Variants in SRGAP3 observed in about 807,000 individuals in gnomAD.
SRGAP3 encodes the protein SLIT-ROBO Rho GTPase-activating protein 3.
SRGAP3 carries 39 observed loss-of-function variants against 121.1 expected under a neutral mutation model. The observed-to-expected ratio is 0.32, with a 90% CI of 0.25 to 0.42. SRGAP3 has a LOEUF of 0.42. Among genes scored for constraint, SRGAP3 ranks in the 10% least tolerant of loss-of-function variants. The pLI, the probability that SRGAP3 is intolerant of heterozygous loss-of-function variation, is 1.00. For synonymous variants in SRGAP3, 601 were observed against 570.0 expected (o/e 1.05, Z -0.77); for missense variants, 1,213 against 1,470.6 (o/e 0.82, Z 2.86).
intron 16 of SRGAP3, 47 bp from the exon 17 acceptor site, chr3:9,013,582 T>C: frequency 6.3e-7 from 1 of 1,599,942 alleles, no homozygotes; most frequent in Non-Finnish European, 8.6e-7. Flanking sequence ...AGGCAAGTCC[T>C]CCCCCTGTGT....
At chr3:9,183,881 C>G (rs1214001708) in intron 1 of SRGAP3, among the ~76,000 whole-genome samples, 2 of 151,938 alleles carry the variant, frequency 1.3e-5, no homozygotes, top group Admixed American at 6.6e-5. Context: ...AGCTGTACCC[C>G]GAGATGAAAC....
At chr3:9,053,305 C>T in intron 8 of SRGAP3, 81 bp from the exon 9 acceptor site, 3 of 1,373,534 alleles carry the variant, frequency 2.2e-6, no homozygotes, top group East Asian at 2.4e-5. Flanking sequence ...CCAGCTGTCA[C>T]TTTACTTCTT....
At chr3:9,189,469 A>T (rs1421576359) in intron 1 of SRGAP3, among the ~76,000 whole-genome samples, 4 of 151,978 alleles carry the variant, frequency 2.6e-5, no homozygotes, top group Non-Finnish European at 4.4e-5. Flanking sequence ...TGAAAATTGG[A>T]CTCCTCCAAT....
Position 9,309,834 on chromosome 3 carries a change from G to C in SRGAP3, n.442+16176C>G, listed in dbSNP as rs148548880. ...TGATCACCACTGCACTCCAGCCTGG[G>C]TGACAGAGTGAGACCCTGTCTCAAA... On this transcript the variant is annotated intron_variant and non_coding_transcript_variant, in intron 3 of 3. Coordinates refer to the SRGAP3 transcript ENST00000490889. Among the ~76,000 whole-genome samples the C allele has an allele frequency of 8.8e-4, 134 of 152,264 alleles. 2 individuals carry two copies. Among genetic ancestry groups the C allele is most frequent in the Non-Finnish European group, 9.9e-4 (67 of 68,020 alleles).
chr3:9,126,425 G>T (rs1369076972), intron 1 of SRGAP3, among the ~76,000 whole-genome samples: 1 of 152,054 alleles, frequency 6.6e-6, no homozygotes, highest in Non-Finnish European at 1.5e-5. Flanking sequence ...AGGTCAGGAG[G>T]TGGAGACCAT....
intron 2 of SRGAP3, among the ~76,000 whole-genome samples, chr3:9,105,644 C>T (rs905293762): frequency 6.6e-6 from 1 of 152,272 alleles, no homozygotes. Context: ...TGGGCTTTAC[C>T]AAGCCCTCCA....
At chr3:9,274,846 C>A (rs1323688208) in intron 3 of SRGAP3, among the ~76,000 whole-genome samples, 1 of 152,196 alleles carries the variant, frequency 6.6e-6, no homozygotes, top group African/African-American at 2.4e-5. Context: ...TGAAGTCAAG[C>A]CACTTCTCTC....
chr3:9,339,480 C>T (rs2125289359), intron 1 of SRGAP3, among the ~76,000 whole-genome samples: 1 of 152,296 alleles, frequency 6.6e-6, no homozygotes, highest in African/African-American at 2.4e-5. Flanking sequence ...AGGACACAAA[C>T]TCAAGTGCCT....
intron 3 of SRGAP3, among the ~76,000 whole-genome samples, chr3:9,312,855 G>A (rs1296956762): frequency 6.6e-6 from 1 of 152,086 alleles, no homozygotes; most frequent in African/African-American, 2.4e-5. Flanking sequence ...AGCCAGGTGT[G>A]GTGGTGCCCA....
chr3:9,039,321 A>C (rs1276401021), intron 10 of SRGAP3, among the ~76,000 whole-genome samples: 2 of 152,122 alleles, frequency 1.3e-5, no homozygotes, highest in African/African-American at 4.8e-5. Flanking sequence ...AAAATGTTGG[A>C]GTGCCATCAG....
At chr3:9,160,501 G>A (rs1253660782) in intron 1 of SRGAP3, among the ~76,000 whole-genome samples, 1 of 152,098 alleles carries the variant, frequency 6.6e-6, no homozygotes, top group African/African-American at 2.4e-5. Context: ...CCATGTAGTC[G>A]GCCACTGTGG....
chr3:9,311,169 C>CAA (rs568030531), intron 3 of SRGAP3, among the ~76,000 whole-genome samples: 113 of 110,072 alleles, frequency 1.0e-3, no homozygotes, highest in African/African-American at 3.3e-3. Context: ...GACTCCAGCT[C>CAA]AAAAAAAAAA....
At chr3:9,047,149 AT>A (rs1032968971) in intron 10 of SRGAP3, among the ~76,000 whole-genome samples, 59 of 151,416 alleles carry the variant, frequency 3.9e-4, no homozygotes, top group African/African-American at 1.4e-3. Flanking sequence ...TCTTTATTTT[AT>A]TTTTTTTCTT....
chr3:8,994,872 T>C (rs926805617), intron 18 of SRGAP3, among the ~76,000 whole-genome samples: 78 of 152,356 alleles, frequency 5.1e-4, no homozygotes, highest in African/African-American at 1.9e-3. Flanking sequence ...TATTAATATT[T>C]CTATTTTTCT....
chr3:9,102,777 A>C (rs1948269566), intron 3 of SRGAP3, among the ~76,000 whole-genome samples: 1 of 152,200 alleles, frequency 6.6e-6, no homozygotes, highest in Non-Finnish European at 1.5e-5. Context: ...ATCACAAGTC[A>C]GGCTGCTGTC....
Position 9,047,397 on chromosome 3 carries a change from C to T in SRGAP3, c.1402G>A (p.Gly468Ser). ...CCTCCACCAGCCCACTCACCTTCGC[C>T]CAGGGTCTGCTTGAGTAAATCGTGC... is the stretch of plus-strand genomic sequence containing the variant. ...AKHDLLKQTL[G>S]EGERAECGTT... is the part of the protein sequence containing the mutation. The change falls in exon 10 of 22, where the codon GGC (glycine) becomes AGC (serine). Residue 468 changes from glycine to serine, a missense_variant. Gly to Ser is a moderately conservative substitution (Grantham distance 56). Coordinates refer to ENST00000383836, the MANE Select transcript of SRGAP3 (RefSeq NM_014850.4). The T allele has an allele frequency of 6.2e-7, 1 of 1,614,158 alleles. No homozygotes were observed. The highest frequency in any genetic ancestry group is 8.5e-7 in the Non-Finnish European group (1 of 1,180,034).
At chr3:9,283,130 G>A (rs566888900) in intron 3 of SRGAP3, among the ~76,000 whole-genome samples, 4 of 151,848 alleles carry the variant, frequency 2.6e-5, no homozygotes, top group East Asian at 2.0e-4. Context: ...TTGTAGAGAC[G>A]GGGTTTCTCC....
intron 1 of SRGAP3, among the ~76,000 whole-genome samples, chr3:9,150,417 T>C (rs1392898752): frequency 6.6e-6 from 1 of 151,098 alleles, no homozygotes; most frequent in East Asian, 2.0e-4. Flanking sequence ...ACTTTTTCCA[T>C]GTTTATTTTC....
At chr3:9,205,764 G>A (rs2125167196) in intron 1 of SRGAP3, among the ~76,000 whole-genome samples, 1 of 152,194 alleles carries the variant, frequency 6.6e-6, no homozygotes, top group East Asian at 1.9e-4. Flanking sequence ...AACAAATGTG[G>A]TCTAGCCATA....
Sources: allele counts gnomAD v4.1 joint callset (sites outside exome capture counted in the v4.1 genomes callset), GRCh38; gene constraint gnomAD v4.1.1; transcripts MANE v1.5; gene names NCBI Gene and HGNC (gene_info 2026-07-23, HGNC 2026-07-21).